The following VPS13A variants were observed in gnomAD, a reference collection of about 807,000 sequenced individuals.
The protein encoded by VPS13A is intermembrane lipid transfer protein VPS13A.
In VPS13A, 264 loss-of-function variants were observed where a neutral mutation model predicts 390.9. The observed-to-expected ratio is 0.68, with a 90% CI of 0.61 to 0.75. The LOEUF is 0.75. VPS13A is among the 30% of genes least tolerant of loss of function. VPS13A has a pLI of 0.00. For missense variants in VPS13A, 3,409 were observed against 3,733.9 expected, an observed-to-expected ratio of 0.91 and a Z score of 2.27; for synonymous variants, 1,231 against 1,227.1, an observed-to-expected ratio of 1.00 and a Z score of -0.07.
Position 77,353,412 on chromosome 9 carries a change from A to G in VPS13A, c.7423A>G (p.Met2475Val), listed in dbSNP as rs1396558814. 1.3e-6 allele frequency: 2 copies of G among 1,590,166 alleles called. No individual in the cohort carries two copies. Among genetic ancestry groups the G allele is most frequent in the Admixed American group, 1.7e-5 (1 of 58,406 alleles). Residue 2475 changes from methionine (M) to valine (V), a missense_variant, in exon 54 of 72, where the codon ATG becomes GTG. Coordinates refer to ENST00000360280, the MANE Select transcript of VPS13A (RefSeq NM_033305.3). ...TTTTTTGGTGGTTTTATTCTAGGAT[A>G]TGATGATGCCTATAGATTTGGGGGA... Reference protein sequence around the residue: ...SHGEVTQKDDMMMPIDLGEKT... With the variant: ...SHGEVTQKDDVMMPIDLGEKT...
At chr9:77,183,342 T>G (rs2131050067) in intron 1 of VPS13A, among the ~76,000 whole-genome samples, 1 of 152,336 alleles carries the variant, frequency 6.6e-6, no homozygotes, top group Admixed American at 6.5e-5. Context: ...AGAAGTTTCC[T>G]TGTGCCTTTT....
intron 45 of VPS13A, among the ~76,000 whole-genome samples, chr9:77,327,545 A>C (rs1283714363): frequency 6.6e-6 from 1 of 152,060 alleles, no homozygotes; most frequent in African/African-American, 2.4e-5. Context: ...TTTTGGTAAG[A>C]TATAGAAAGA....
chr9:77,233,879 G>T (rs1823983638), intron 17 of VPS13A, among the ~76,000 whole-genome samples: 4 of 152,084 alleles, frequency 2.6e-5, no homozygotes, highest in African/African-American at 7.2e-5. Context: ...GGGTAGAGTA[G>T]TCCATATTTG....
chr9:77,379,424 G>A (rs1833308996), intron 67 of VPS13A, among the ~76,000 whole-genome samples: 1 of 151,976 alleles, frequency 6.6e-6, no homozygotes, highest in African/African-American at 2.4e-5. Context: ...ATTTTTAGTA[G>A]AGACAGGGTT....
chr9:77,411,068 C>G (rs914924091), intron 71 of VPS13A, among the ~76,000 whole-genome samples: 3 of 152,148 alleles, frequency 2.0e-5, no homozygotes, highest in Admixed American at 6.5e-5. Flanking sequence ...TGTAAAAGAA[C>G]AGAAATTATA....
chr9:77,234,945 C>T (rs1307576312), intron 17 of VPS13A, among the ~76,000 whole-genome samples: 1 of 152,154 alleles, frequency 6.6e-6, no homozygotes, highest in Admixed American at 6.5e-5. Flanking sequence ...TACTCTTATG[C>T]AGCTCCATTC....
rs569339944 is a variant in VPS13A, at chr9:77,219,936, A to G, written c.755-18A>G. ...GGAAATATAACTCAGTTTTTTTTCC[A>G]TTTTTATTATTTTTCAGTATTTCGT... is the stretch of plus-strand genomic sequence containing the variant. On this transcript the variant is annotated intron_variant, in intron 10 of 71. Transcript: ENST00000360280. 1.9e-6 allele frequency: 3 copies of G among 1,612,044 alleles called. No individual in the cohort carries two copies. Among genetic ancestry groups the G allele is most frequent in the African/African-American group, 2.7e-5 (2 of 74,890 alleles).
At chr9:77,239,309 A>G (rs962468117) in intron 19 of VPS13A, among the ~76,000 whole-genome samples, 3 of 151,992 alleles carry the variant, frequency 2.0e-5, no homozygotes, top group African/African-American at 7.2e-5. Context: ...AAATCATAAT[A>G]GAGACGGGGT....
chr9:77,386,701 T>TTA (rs1382673499), intron 68 of VPS13A, among the ~76,000 whole-genome samples: 3 of 149,850 alleles, frequency 2.0e-5, no homozygotes, highest in African/African-American at 7.4e-5. Context: ...TGCTCTTTAT[T>TTA]TTTTTTTTTT....
intron 67 of VPS13A, among the ~76,000 whole-genome samples, chr9:77,372,519 G>A (rs1832831626): frequency 6.6e-6 from 1 of 152,052 alleles, no homozygotes; most frequent in African/African-American, 2.4e-5. Context: ...CAAACCCACA[G>A]CCAATATCAT....
chr9:77,245,886 G>A (rs1307970852), intron 19 of VPS13A, among the ~76,000 whole-genome samples: 2 of 152,200 alleles, frequency 1.3e-5, no homozygotes, highest in African/African-American at 4.8e-5. Flanking sequence ...ATCTGCTTTT[G>A]GTGAGGGTTT....
intron 29 of VPS13A, among the ~76,000 whole-genome samples, chr9:77,282,908 A>G (rs151204706): frequency 1.9e-4 from 29 of 152,064 alleles, no homozygotes; most frequent in East Asian, 5.8e-4. Context: ...TTGAGCTACA[A>G]TTGCACCACT....
chr9:77,191,794 T>C (rs1824702066), intron 1 of VPS13A, among the ~76,000 whole-genome samples: 1 of 152,204 alleles, frequency 6.6e-6, no homozygotes, highest in Admixed American at 6.5e-5. Flanking sequence ...AATTGCTTTA[T>C]GGTTGAGCAT....
chr9:77,318,650 A>ATTT, intron 41 of VPS13A, 59 bp downstream of exon 41: 1 of 1,306,776 alleles, frequency 7.7e-7, no homozygotes, highest in Non-Finnish European at 1.1e-6. Context: ...ATTATGACAG[A>ATTT]TAATGATACA....
Position 77,356,720 on chromosome 9 carries a change from T to C in VPS13A, c.7659T>C (p.Asp2553=). ...TTTTGCTTTCTTAAATAAGTTCTGA[T>C]GTGGTTTGGGAAACAAAGCCCAAGA... ...EVAYIGITSS[D]VVWETKPKKK... is the part of the protein sequence containing the mutation. Residue 2553 remains aspartate, a synonymous_variant, in exon 55 of 72, where the codon GAT becomes GAC. Coordinates refer to ENST00000360280, the MANE Select transcript of VPS13A (RefSeq NM_033305.3). 6.2e-7 allele frequency: 1 copy of C among 1,611,160 alleles called. No homozygotes were observed. Among genetic ancestry groups the C allele is most frequent in the Middle Eastern group, 1.7e-4 (1 of 6,054 alleles).
chr9:77,373,416 G>A (rs1278508496), intron 67 of VPS13A, among the ~76,000 whole-genome samples: 2 of 130,018 alleles, frequency 1.5e-5, no homozygotes, highest in African/African-American at 5.5e-5. Context: ...ATGGTGCTGG[G>A]AAAACTAGCT....
intron 52 of VPS13A, 72 bp from the exon 53 acceptor site, chr9:77,351,245 T>G: frequency 6.4e-7 from 1 of 1,568,450 alleles, no homozygotes; most frequent in Non-Finnish European, 8.7e-7. Context: ...TAATGAAGTA[T>G]TATTTTAGTT....
chr9:77,305,220 G>C (rs183161836), intron 34 of VPS13A, among the ~76,000 whole-genome samples: 2 of 152,118 alleles, frequency 1.3e-5, no homozygotes, highest in Non-Finnish European at 2.9e-5. Context: ...TTACAGGCGT[G>C]AGCCATCACG....
intron 45 of VPS13A, among the ~76,000 whole-genome samples, chr9:77,330,503 G>T (rs1195597851): frequency 2.0e-5 from 3 of 152,080 alleles, no homozygotes; most frequent in African/African-American, 7.2e-5. Context: ...ATCAGACTTT[G>T]GTAACTAACT....
Sources: allele counts gnomAD v4.1 joint callset (sites outside exome capture counted in the v4.1 genomes callset), GRCh38; gene constraint gnomAD v4.1.1; transcripts MANE v1.5; gene names NCBI Gene and HGNC (gene_info 2026-07-23, HGNC 2026-07-21).